SLC14A2: variants seen among roughly 807,000 people sequenced by gnomAD.
SLC14A2 encodes solute carrier family 14 member 2, also known as urea transporter 2.
A neutral mutation model predicts 104.6 loss-of-function variants in SLC14A2; 91 were observed. The ratio of observed to expected loss-of-function variants is 0.87; its 90% CI spans 0.73 to 1.04. The LOEUF (loss-of-function observed/expected upper bound fraction) is 1.04, where lower values mean the gene tolerates loss of function less well. SLC14A2 is among the 50% of genes least tolerant of loss of function. The probability of loss-of-function intolerance (pLI) is 0.00; values close to 1 mark genes in which losing one functional copy is unlikely to be tolerated. For missense variants in SLC14A2, 1,189 were observed against 1,156.0 expected, an observed-to-expected ratio of 1.03 and a Z score of -0.41; for synonymous variants, 476 against 466.4, an observed-to-expected ratio of 1.02 and a Z score of -0.27.
chr18:45,194,455 C>T, the SLC14A2 span, among the ~76,000 whole-genome samples: 1 of 152,142 alleles, frequency 6.6e-6, no homozygotes, highest in Non-Finnish European at 1.5e-5. Context: ...TATTTTTGCT[C>T]ATTCGTTTAG....
chr18:45,642,808 C>T (rs2144559553), intron 8 of SLC14A2, among the ~76,000 whole-genome samples: 1 of 152,360 alleles, frequency 6.6e-6, no homozygotes, highest in South Asian at 2.1e-4. Context: ...TCTTCGCTAC[C>T]ATCAGCGTAG....
chr18:45,678,874 T>C, intron 18 of SLC14A2, 101 bp from the exon 19 acceptor site: 1 of 1,089,278 alleles, frequency 9.2e-7, no homozygotes, highest in East Asian at 2.6e-5. Flanking sequence ...AGAGATAGCA[T>C]TTGTGGCATA....
Position 45,682,038 on chromosome 18 carries a change from C to A in SLC14A2, c.2563-281C>A, listed in dbSNP as rs531328539. ...AAACATAGCTTCTGACAAAACACAGCCTCTACAAAAGGCATATTATGTTCT... is the reference window on the plus strand; with the variant it reads ...AAACATAGCTTCTGACAAAACACAGACTCTACAAAAGGCATATTATGTTCT... On this transcript the variant is annotated intron_variant, in intron 19 of 19. Coordinates refer to ENST00000255226, the MANE Select transcript of SLC14A2 (RefSeq NM_007163.4). Among the ~76,000 whole-genome samples the A allele has an allele frequency of 2.6e-5, 4 of 152,298 alleles. No homozygotes were observed. In the East Asian group the frequency reaches 7.7e-4, roughly 29 times the overall value.
chr18:45,237,891 T>TTTA lies in SLC14A2; in HGVS notation c.-125+24700_-125+24701insTTA, dbSNP rs545419008. On this transcript the variant is annotated intron_variant, in intron 1 of 20. Coordinates refer to the SLC14A2 transcript ENST00000586448. ...TTGTGGTTGGTAGTATGCATGATAATGGTAGTTTAGTTCTTTTCCCTTGAA... is the reference window on the plus strand; with the variant it reads ...TTGTGGTTGGTAGTATGCATGATAATTTAGGTAGTTTAGTTCTTTTCCCTTGAA... 4.6e-5 allele frequency among the ~76,000 whole-genome samples: 7 copies of TTTA among 152,332 alleles called. No individual in the cohort carries two copies. In the South Asian group the frequency reaches 1.4e-3, roughly 32 times the overall value.
In SLC14A2 at chr18:45,682,627, C is replaced by A; in HGVS notation, c.*108C>A. On this transcript the variant is annotated 3_prime_UTR_variant, in exon 20 of 20. Transcript: ENST00000255226. ...TCCCTTTGGTCTGTTCTGTGACTCTCTCCCCAAACACAAAGAAGCGTGTAT... is the reference window on the plus strand; with the variant it reads ...TCCCTTTGGTCTGTTCTGTGACTCTATCCCCAAACACAAAGAAGCGTGTAT... The A allele has an allele frequency of 1.2e-6, 1 of 859,102 alleles. No individual in the cohort carries two copies. The highest frequency in any genetic ancestry group is 1.7e-5 in the African/African-American group (1 of 60,376). 53.2% of individuals were successfully genotyped at this position (859,102 alleles called of 1,614,324 possible).
chr18:45,351,513 C>T (rs1279143162), intron 1 of SLC14A2, among the ~76,000 whole-genome samples: 2 of 152,060 alleles, frequency 1.3e-5, no homozygotes, highest in Non-Finnish European at 2.9e-5. Context: ...TACCACCACA[C>T]CCAGCTAATT....
At chr18:45,362,483 G>A (rs2085622286) in intron 1 of SLC14A2, among the ~76,000 whole-genome samples, 1 of 152,160 alleles carries the variant, frequency 6.6e-6, no homozygotes, top group African/African-American at 2.4e-5. Context: ...TTCGCATCCA[G>A]CCCAACTCCC....
chr18:45,543,460 A>G (rs1251656328), intron 2 of SLC14A2, among the ~76,000 whole-genome samples: 1 of 152,192 alleles, frequency 6.6e-6, no homozygotes, highest in Non-Finnish European at 1.5e-5. Flanking sequence ...TATGAACACT[A>G]CAATACAAAC....
intron 2 of SLC14A2, among the ~76,000 whole-genome samples, chr18:45,577,789 C>CATGA (rs2044436033): frequency 6.6e-6 from 1 of 152,140 alleles, no homozygotes; most frequent in African/African-American, 2.4e-5. Flanking sequence ...AAGTCAACTC[C>CATGA]ATGAATAATA....
At position 45,666,462 on chromosome 18, in the gene SLC14A2, T is replaced by G. The variant is rs535615047; in HGVS notation, c.1557+243T>G. On this transcript the variant is annotated intron_variant, in intron 12 of 19. Transcript: ENST00000255226. ...CCTTTAAACCCAGTATTCAAGCATT[T>G]AGGAAATAAGCTGGTGCCTGTTTTC... Among the ~76,000 whole-genome samples, 97 of 152,218 alleles carry G rather than the reference T, an allele frequency of 6.4e-4. 1 individual carries two copies. Among genetic ancestry groups the G allele is most frequent in the Non-Finnish European group, 2.5e-4 (17 of 68,034 alleles).
chr18:45,239,516 C>A (rs2084289294), intron 1 of SLC14A2, among the ~76,000 whole-genome samples: 1 of 152,254 alleles, frequency 6.6e-6, no homozygotes, highest in Admixed American at 6.5e-5. Flanking sequence ...TAGGCTGATT[C>A]TCCTTGCAAG....
chr18:45,623,959 C>T (rs903123857), intron 1 of SLC14A2, among the ~76,000 whole-genome samples: 4 of 152,148 alleles, frequency 2.6e-5, no homozygotes, highest in African/African-American at 9.7e-5. Context: ...CAGACAAAAC[C>T]AGGAAACTGA....
chr18:45,389,849 G>GA (rs1403167056), intron 1 of SLC14A2, among the ~76,000 whole-genome samples: 1 of 152,084 alleles, frequency 6.6e-6, no homozygotes, highest in Non-Finnish European at 1.5e-5. Context: ...CGTTGACCCT[G>GA]AAAAAAGATC....
rs553812120 is a variant in SLC14A2 at position 45,236,576 on chromosome 18, T to C, written c.-125+23385T>C. Among the ~76,000 whole-genome samples, 191 of 124,870 alleles carry C rather than the reference T, an allele frequency of 1.5e-3. 42 individuals carry two copies. Among genetic ancestry groups the C allele is most frequent in the Middle Eastern group, 4.3e-3 (1 of 230 alleles). 81.9% of individuals were successfully genotyped at this position (124,870 alleles called of 152,430 possible). On this transcript the variant is annotated intron_variant, in intron 1 of 20. Transcript: ENST00000586448. ...GTATATATGTGTATATATGTATATATACATATATATATGGGAAAAAGTATA... is the reference window on the plus strand; with the variant it reads ...GTATATATGTGTATATATGTATATACACATATATATATGGGAAAAAGTATA...
intron 1 of SLC14A2, among the ~76,000 whole-genome samples, chr18:45,214,929 AAAAAAAG>A (rs1396929242): frequency 6.6e-6 from 1 of 151,040 alleles, no homozygotes; most frequent in Non-Finnish European, 1.5e-5. Context: ...AAAAAAAAAA[AAAAAAAG>A]AAAAGAAATA....
At chr18:45,438,964 G>A (rs1237389781) in intron 1 of SLC14A2, among the ~76,000 whole-genome samples, 1 of 152,118 alleles carries the variant, frequency 6.6e-6, no homozygotes, top group Non-Finnish European at 1.5e-5. Flanking sequence ...TCAAGAGTAA[G>A]AGAAGACAGT....
At chr18:45,288,274 G>T (rs766444034) in intron 1 of SLC14A2, among the ~76,000 whole-genome samples, 6 of 152,186 alleles carry the variant, frequency 3.9e-5, no homozygotes, top group Non-Finnish European at 8.8e-5. Flanking sequence ...TATCCTCCCA[G>T]TGATTAATCC....
chr18:45,239,960 A>G (rs757563594), intron 1 of SLC14A2, among the ~76,000 whole-genome samples: 1 of 151,972 alleles, frequency 6.6e-6, no homozygotes, highest in African/African-American at 2.4e-5. Flanking sequence ...TTCTTTTTTT[A>G]TGGCTGAATA....
chr18:45,356,794 T>C (rs2085558711), intron 1 of SLC14A2, among the ~76,000 whole-genome samples: 1 of 152,128 alleles, frequency 6.6e-6, no homozygotes, highest in Non-Finnish European at 1.5e-5. Context: ...GGGACAAATG[T>C]TTGCAATAGT....
Sources: allele counts gnomAD v4.1 joint callset (sites outside exome capture counted in the v4.1 genomes callset), GRCh38; gene constraint gnomAD v4.1.1; transcripts MANE v1.5; gene names NCBI Gene and HGNC (gene_info 2026-07-23, HGNC 2026-07-21).